Variants in MAPK9 observed in about 807,000 individuals in gnomAD.
MAPK9 encodes mitogen-activated protein kinase 9.
A neutral mutation model predicts 57.1 loss-of-function variants in MAPK9; 30 were observed. The observed-to-expected ratio is 0.53, with a 90% CI of 0.39 to 0.71. The LOEUF is 0.71. MAPK9 is among the 30% of genes least tolerant of loss of function. The pLI is 0.00. For missense variants in MAPK9, 362 were observed against 521.0 expected (o/e 0.69, Z 2.97); for synonymous variants, 155 against 177.0 (o/e 0.88, Z 0.99).
intron 1 of MAPK9, among the ~76,000 whole-genome samples, chr5:180,288,808 T>C (rs1286589008): frequency 6.6e-6 from 1 of 152,218 alleles, no homozygotes; most frequent in Non-Finnish European, 1.5e-5. Flanking sequence ...TTGAAAATAA[T>C]TATGGGTGGT....
chr5:180,247,826 C>G lies in MAPK9; in HGVS notation c.617-316G>C, dbSNP rs1202005819. 1.9e-6 allele frequency: 3 copies of G among 1,612,352 alleles called. No homozygotes were observed. The highest frequency in any genetic ancestry group is 1.6e-4 in the Middle Eastern group (1 of 6,080). Reference sequence around the variant, plus strand: ...CACACGCCCACCCCAGCCTCCATGGCCAAGTACCGGGTCCCCTGTGAAGGA... The same window carrying G: ...CACACGCCCACCCCAGCCTCCATGGGCAAGTACCGGGTCCCCTGTGAAGGA... On this transcript the variant is annotated intron_variant, in intron 6 of 11. Coordinates refer to ENST00000452135, the MANE Select transcript of MAPK9 (RefSeq NM_002752.5). This position sits in a 1 kb window ranked among gnomAD's most constrained non-coding sequence, Gnocchi z 4.5.
rs550270221 is a variant in MAPK9 at position 180,240,101 on chromosome 5, T to C, written c.997-114A>G. 41 of 727,676 alleles carry C rather than the reference T, an allele frequency of 5.6e-5. 1 individual carries two copies. The South Asian group carries it at 6.1e-4, about 11-fold the overall frequency. 45.1% of individuals were successfully genotyped at this position (727,676 alleles called of 1,614,324 possible). A position where few individuals can be genotyped will look rare whatever the true frequency, so the allele number is the denominator to read the frequency against. On this transcript the variant is annotated intron_variant, in intron 9 of 11. Transcript: ENST00000452135. ...AGTCTATTTATGATATGGATTTAGT[T>C]TAATTCAACACGTGGTTTAATAAAG...
intron 5 of MAPK9, among the ~76,000 whole-genome samples, chr5:180,252,368 C>T (rs1317214681): frequency 6.6e-6 from 1 of 152,122 alleles, no homozygotes; most frequent in Non-Finnish European, 1.5e-5. Context: ...ACTGCCAGTG[C>T]CGTAAGCCTG....
chr5:180,247,158 C>T lies in MAPK9; in HGVS notation c.688+281G>A. 2.0e-6 allele frequency: 1 copy of T among 488,630 alleles called. No individual in the cohort carries two copies. Among genetic ancestry groups the T allele is most frequent in the East Asian group, 3.4e-5 (1 of 29,334 alleles). The allele number at this position is 488,630 out of a possible 1,614,324, so 30.3% of individuals were successfully genotyped here. A position where few individuals can be genotyped will look rare whatever the true frequency, so the allele number is the denominator to read the frequency against. ...CTTATCAAAGAGTAAATAATTTCTTCTATGTGTCCAGCTATTTTTGGCAAA... is the reference window on the plus strand; with the variant it reads ...CTTATCAAAGAGTAAATAATTTCTTTTATGTGTCCAGCTATTTTTGGCAAA... On this transcript the variant is annotated intron_variant, in intron 7 of 11. Transcript: ENST00000452135. This position sits in a 1 kb window ranked among gnomAD's most constrained non-coding sequence, Gnocchi z 4.5.
At chr5:180,259,818 T>C (rs944473985) in intron 5 of MAPK9, among the ~76,000 whole-genome samples, 1 of 152,250 alleles carries the variant, frequency 6.6e-6, no homozygotes, top group Non-Finnish European at 1.5e-5. Context: ...AGAAACCCTA[T>C]GACTGTAAGG....
intron 5 of MAPK9, among the ~76,000 whole-genome samples, chr5:180,256,454 G>A (rs1759292958): frequency 6.6e-6 from 1 of 152,098 alleles, no homozygotes; most frequent in African/African-American, 2.4e-5. Context: ...ATACACCTGT[G>A]CAATGTTTGG....
In MAPK9 at chr5:180,247,996, A is replaced by G; in HGVS notation, c.617-486T>C. On this transcript the variant is annotated intron_variant, in intron 6 of 11. Transcript: ENST00000452135. The surrounding 1 kb of genome is among the most constrained non-coding windows in gnomAD (Gnocchi z 4.5). ...TTTTTTCTTCAAACCCCCTCCCAGG[A>G]CAAACCCGGTACACGTCACTAGCTT... 2.7e-6 allele frequency: 4 copies of G among 1,478,586 alleles called. No homozygotes were observed. The highest frequency in any genetic ancestry group is 1.4e-5 in the African/African-American group (1 of 72,364). 91.6% of individuals were successfully genotyped at this position (1,478,586 alleles called of 1,614,324 possible). A position where few individuals can be genotyped will look rare whatever the true frequency, so the allele number is the denominator to read the frequency against.
intron 3 of MAPK9, among the ~76,000 whole-genome samples, chr5:180,265,533 T>A (rs1157145130): frequency 1.3e-5 from 2 of 152,230 alleles, no homozygotes; most frequent in Non-Finnish European, 2.9e-5. Flanking sequence ...CCTGCCGCCT[T>A]GTGAAGAAGG....
At chr5:180,283,704 C>T (rs1039495152) in intron 1 of MAPK9, among the ~76,000 whole-genome samples, 9 of 152,240 alleles carry the variant, frequency 5.9e-5, no homozygotes, top group Admixed American at 5.9e-4. Context: ...GGGAGGCCAA[C>T]GTGGGGGAAT....
chr5:180,285,677 C>T (rs921678726), intron 1 of MAPK9, among the ~76,000 whole-genome samples: 5 of 152,110 alleles, frequency 3.3e-5, no homozygotes, highest in African/African-American at 1.2e-4. Flanking sequence ...AATCCCAGCA[C>T]TGTGGGAGGC....
At chr5:180,278,701 A>T (rs1554128063) in intron 2 of MAPK9, among the ~76,000 whole-genome samples, 2 of 152,064 alleles carry the variant, frequency 1.3e-5, no homozygotes, top group Admixed American at 6.6e-5. Flanking sequence ...CTGTCTCAAA[A>T]AAATAAATAA....
chr5:180,276,698 C>T (rs1383422131), intron 2 of MAPK9, among the ~76,000 whole-genome samples: 1 of 151,982 alleles, frequency 6.6e-6, no homozygotes, highest in East Asian at 1.9e-4. Flanking sequence ...TACTAAAATA[C>T]AAAAAATTAG....
chr5:180,250,209 C>A (rs1758536062), intron 5 of MAPK9, among the ~76,000 whole-genome samples: 1 of 152,182 alleles, frequency 6.6e-6, no homozygotes, highest in Non-Finnish European at 1.5e-5. Flanking sequence ...GAAGTGTCTG[C>A]AGAATGAAGA....
At chr5:180,287,783 T>C (rs943691123) in intron 1 of MAPK9, among the ~76,000 whole-genome samples, 1 of 152,210 alleles carries the variant, frequency 6.6e-6, no homozygotes, top group Non-Finnish European at 1.5e-5. Context: ...GCCCCCATTT[T>C]TGCCACCCTC....
In MAPK9 at chr5:180,236,048, T is replaced by C. The variant is rs1757151578; in HGVS notation, c.*336A>G. The stretch of plus-strand genomic sequence containing the variant: ...CTAGATGGGCAAGTCCAAGCAAGCA[T>C]TTGTGGTCACATGCACATACATCTC... On this transcript the variant is annotated 3_prime_UTR_variant, in exon 12 of 12. Coordinates refer to ENST00000452135, the MANE Select transcript of MAPK9 (RefSeq NM_002752.5). The C allele has an allele frequency of 5.9e-6, 1 of 170,636 alleles. No homozygotes were observed. The highest frequency in any genetic ancestry group is 2.4e-5 in the African/African-American group (1 of 42,228). The allele number at this position is 170,636 out of a possible 1,614,324, so 10.6% of individuals were successfully genotyped here. A position where few individuals can be genotyped will look rare whatever the true frequency, so the allele number is the denominator to read the frequency against.
At chr5:180,262,385 AG>A (rs1760069045) in intron 4 of MAPK9, among the ~76,000 whole-genome samples, 1 of 112,716 alleles carries the variant, frequency 8.9e-6, no homozygotes, top group Non-Finnish European at 2.0e-5. Flanking sequence ...AACTCCCCAA[AG>A]AGGTGTCTCA....
intron 1 of MAPK9, among the ~76,000 whole-genome samples, chr5:180,286,156 T>C (rs1343954380): frequency 7.1e-6 from 1 of 141,144 alleles, no homozygotes; most frequent in African/African-American, 2.6e-5. Flanking sequence ...TTCTTTTTTT[T>C]TTTTTTTGAG....
At chr5:180,265,559 C>T (rs1487822417) in intron 3 of MAPK9, among the ~76,000 whole-genome samples, 3 of 152,210 alleles carry the variant, frequency 2.0e-5, no homozygotes, top group Non-Finnish European at 4.4e-5. Flanking sequence ...GCCTCCCTTT[C>T]GTCTTCCGCC....
At chr5:180,236,617 T>C in intron 11 of MAPK9, 91 bp from the exon 12 acceptor site, 1 of 1,410,180 alleles carries the variant, frequency 7.1e-7, no homozygotes, top group South Asian at 1.4e-5. Flanking sequence ...CTCGGCTCTG[T>C]CCTTTTGCAG....
Sources: allele counts gnomAD v4.1 joint callset (sites outside exome capture counted in the v4.1 genomes callset), GRCh38; gene constraint gnomAD v4.1.1; non-coding constraint Gnocchi (gnomAD v3.1); transcripts MANE v1.5; gene names NCBI Gene and HGNC (gene_info 2026-07-23, HGNC 2026-07-21).